The following CAPZA2 variants were observed in gnomAD, a reference collection of about 807,000 sequenced individuals.
CAPZA2 encodes the protein F-actin-capping protein subunit alpha-2.
CAPZA2 carries 13 observed loss-of-function variants against 44.0 expected under a neutral mutation model. That is an observed-to-expected ratio of 0.30 (90% CI 0.19 to 0.47). The LOEUF is 0.47. Among genes scored for constraint, CAPZA2 ranks in the 20% least tolerant of loss-of-function variants. The probability of loss-of-function intolerance (pLI) is 1.00; values close to 1 mark genes in which losing one functional copy is unlikely to be tolerated. For missense variants in CAPZA2, 244 were observed against 338.6 expected, an observed-to-expected ratio of 0.72 and a Z score of 2.19; for synonymous variants, 94 against 108.2, an observed-to-expected ratio of 0.87 and a Z score of 0.81.
At chr7:116,865,203 T>TTG (rs869278343) in intron 1 of CAPZA2, among the ~76,000 whole-genome samples, 2 of 145,142 alleles carry the variant, frequency 1.4e-5, no homozygotes, top group African/African-American at 5.3e-5. Context: ...TTTTTTTTTT[T>TTG]GATACAGAGT....
chr7:116,904,684 C>A, intron 5 of CAPZA2: 1 of 218,688 alleles, frequency 4.6e-6, no homozygotes, highest in South Asian at 1.6e-4. Context: ...TGACTCGTCT[C>A]AGTTTAGATC....
chr7:116,905,559 T>C (rs1180247325), intron 5 of CAPZA2, among the ~76,000 whole-genome samples: 1 of 152,220 alleles, frequency 6.6e-6, no homozygotes, highest in Non-Finnish European at 1.5e-5. Flanking sequence ...TATGGTCTGC[T>C]TAAGTATCTA....
chr7:116,880,367 T>G (rs1422897710), intron 1 of CAPZA2, among the ~76,000 whole-genome samples: 5 of 152,184 alleles, frequency 3.3e-5, no homozygotes, highest in Non-Finnish European at 7.4e-5. Flanking sequence ...GATGGCTCAT[T>G]GTGAACTGCA....
At chr7:116,894,430 TA>T (rs2115936666) in intron 3 of CAPZA2, among the ~76,000 whole-genome samples, 1 of 152,176 alleles carries the variant, frequency 6.6e-6, no homozygotes, top group Admixed American at 6.5e-5. Flanking sequence ...TTGAAGCCTT[TA>T]AAAAATAAAA....
intron 1 of CAPZA2, among the ~76,000 whole-genome samples, chr7:116,881,575 TA>T (rs1267073497): frequency 6.6e-6 from 1 of 151,502 alleles, no homozygotes; most frequent in Non-Finnish European, 1.5e-5. Flanking sequence ...CCGTCTCTAC[TA>T]AAAATACAAA....
At chr7:116,884,997 T>C (rs1796744163) in intron 1 of CAPZA2, among the ~76,000 whole-genome samples, 1 of 152,244 alleles carries the variant, frequency 6.6e-6, no homozygotes, top group Non-Finnish European at 1.5e-5. Flanking sequence ...TGACTAATGA[T>C]ATTAAGCATC....
intron 1 of CAPZA2, among the ~76,000 whole-genome samples, chr7:116,871,419 TTC>T (rs1796553113): frequency 6.6e-6 from 1 of 152,228 alleles, no homozygotes; most frequent in Non-Finnish European, 1.5e-5. Flanking sequence ...TTAACATGTA[TTC>T]TCTCTATTAA....
intron 1 of CAPZA2, among the ~76,000 whole-genome samples, chr7:116,884,605 G>A (rs377010268): frequency 5.9e-5 from 9 of 152,186 alleles, no homozygotes; most frequent in East Asian, 5.8e-4. Context: ...TGGTTTGTTC[G>A]TTTTTATTGC....
At chr7:116,905,781 A>C (rs950119399) in intron 5 of CAPZA2, among the ~76,000 whole-genome samples, 1 of 152,200 alleles carries the variant, frequency 6.6e-6, no homozygotes, top group Non-Finnish European at 1.5e-5. Context: ...GCATTGTGAT[A>C]CATCACAGGC....
At chr7:116,875,250 A>G (rs1376348403) in intron 1 of CAPZA2, 1 of 152,142 alleles carries the variant, frequency 6.6e-6, no homozygotes, top group Non-Finnish European at 1.5e-5. Context: ...ATCACAAACT[A>G]CCAAATGGCA....
At chr7:116,891,712 C>A (rs1043758759) in intron 2 of CAPZA2, among the ~76,000 whole-genome samples, 1 of 151,994 alleles carries the variant, frequency 6.6e-6, no homozygotes, top group Admixed American at 6.6e-5. Context: ...GGGGTTTCAC[C>A]GTGTTAGCCA....
In CAPZA2 at chr7:116,888,269, C is replaced by G. The variant is rs1036131046; in HGVS notation, c.103+79C>G. The stretch of plus-strand genomic sequence containing the variant: ...AGAAAACCAAAATAATCAAAATAAG[C>G]TAAGGACAGTATGCAGAAAAATCTG... On this transcript the variant is annotated intron_variant, in intron 2 of 9. Transcript: ENST00000361183. 19 of 986,490 alleles carry G rather than the reference C, an allele frequency of 1.9e-5. 1 individual carries two copies. In the Admixed American group the frequency reaches 3.7e-4, roughly 19 times the overall value. The allele number at this position is 986,490 out of a possible 1,614,324, so 61.1% of individuals were successfully genotyped here.
intron 7 of CAPZA2, among the ~76,000 whole-genome samples, chr7:116,911,595 C>G (rs1255187208): frequency 1.3e-5 from 2 of 152,084 alleles, no homozygotes; most frequent in Non-Finnish European, 2.9e-5. Flanking sequence ...TGCTGAAATA[C>G]GAGATCAGGG....
intron 8 of CAPZA2, among the ~76,000 whole-genome samples, chr7:116,913,279 G>C (rs1411501541): frequency 6.6e-6 from 1 of 151,902 alleles, no homozygotes. Context: ...TTTTGGTTTT[G>C]ATTTTTTTCT....
chr7:116,888,423 A>G (rs1008234076), intron 2 of CAPZA2: 20 of 398,450 alleles, frequency 5.0e-5, no homozygotes, highest in Middle Eastern at 1.3e-3. Flanking sequence ...AATTTTATTC[A>G]TATCACTGAC....
intron 3 of CAPZA2, among the ~76,000 whole-genome samples, chr7:116,896,058 T>A (rs563268375): frequency 6.6e-6 from 1 of 152,274 alleles, no homozygotes; most frequent in South Asian, 2.1e-4. Flanking sequence ...AGACTGTTTC[T>A]TTTTCACTTG....
chr7:116,883,629 G>C (rs1796725997), intron 1 of CAPZA2, among the ~76,000 whole-genome samples: 2 of 152,128 alleles, frequency 1.3e-5, no homozygotes, highest in Non-Finnish European at 2.9e-5. Context: ...CATTCACTTT[G>C]GATGTTGTGG....
chr7:116,915,997 A>T, intron 8 of CAPZA2, 63 bp from the exon 9 acceptor site: 11 of 1,104,232 alleles, frequency 1.0e-5, no homozygotes, highest in Non-Finnish European at 1.4e-5. Context: ...CCATACATAT[A>T]TTTTAAAATA....
At chr7:116,875,957 A>G (rs1239537439) in intron 1 of CAPZA2, 1 of 152,268 alleles carries the variant, frequency 6.6e-6, no homozygotes, top group South Asian at 2.1e-4. Flanking sequence ...ATTCAGTTAC[A>G]TAGAAGTTTA....
Sources: allele counts gnomAD v4.1 joint callset (sites outside exome capture counted in the v4.1 genomes callset), GRCh38; gene constraint gnomAD v4.1.1; transcripts MANE v1.5; gene names NCBI Gene and HGNC (gene_info 2026-07-23, HGNC 2026-07-21).